CPQ: variants seen among roughly 807,000 people sequenced by gnomAD.
CPQ encodes Ser-Met dipeptidase.
A neutral mutation model predicts 45.7 loss-of-function variants in CPQ; 37 were observed. That is an observed-to-expected ratio of 0.81 (90% confidence interval 0.62 to 1.07). The LOEUF is 1.07. CPQ is among the 50% of genes least tolerant of loss of function. The probability of loss-of-function intolerance (pLI) is 0.00; values close to 1 mark genes in which losing one functional copy is unlikely to be tolerated. For synonymous variants in CPQ, 186 were observed against 205.8 expected, an observed-to-expected ratio of 0.90 and a Z score of 0.82; for missense variants, 537 against 572.9, an observed-to-expected ratio of 0.94 and a Z score of 0.64.
intron 1 of CPQ, among the ~76,000 whole-genome samples, chr8:96,781,111 A>G (rs2130805887): frequency 6.6e-6 from 1 of 152,288 alleles, no homozygotes; most frequent in East Asian, 1.9e-4. Flanking sequence ...TGCATTTGTT[A>G]TAGACTAATG....
At chr8:96,792,483 G>A (rs1024722160) in intron 2 of CPQ, among the ~76,000 whole-genome samples, 9 of 152,136 alleles carry the variant, frequency 5.9e-5, no homozygotes, top group South Asian at 2.1e-4. Flanking sequence ...CATCTCTACC[G>A]AAATACAGGG....
intron 1 of CPQ, among the ~76,000 whole-genome samples, chr8:96,745,316 A>T: frequency 6.6e-6 from 1 of 152,150 alleles, no homozygotes; most frequent in Non-Finnish European, 1.5e-5. Flanking sequence ...TCAAAAAAAA[A>T]AATGTATACG....
At chr8:97,041,041 G>A (rs1204359035) in intron 6 of CPQ, among the ~76,000 whole-genome samples, 2 of 152,188 alleles carry the variant, frequency 1.3e-5, no homozygotes, top group Admixed American at 6.5e-5. Flanking sequence ...GTAGCTTGAT[G>A]GGGATGGCAT....
intron 3 of CPQ, among the ~76,000 whole-genome samples, chr8:96,848,297 CT>C (rs982461122): frequency 9.9e-5 from 15 of 152,168 alleles, no homozygotes; most frequent in African/African-American, 3.6e-4. Flanking sequence ...TTGGGGGCCT[CT>C]TTAAGAAAAA....
At chr8:97,005,616 C>T (rs1436837911) in intron 5 of CPQ, among the ~76,000 whole-genome samples, 1 of 152,084 alleles carries the variant, frequency 6.6e-6, no homozygotes, top group Admixed American at 6.5e-5. Flanking sequence ...CCTACACTAA[C>T]ATTTAAGAGC....
intron 1 of CPQ, among the ~76,000 whole-genome samples, chr8:96,750,117 CAG>C (rs752749508): frequency 5.9e-5 from 9 of 151,486 alleles, no homozygotes; most frequent in South Asian, 2.1e-4. Context: ...TTTTGTAAAA[CAG>C]ATATATACAT....
At chr8:96,878,697 T>A (rs1294213957) in intron 3 of CPQ, among the ~76,000 whole-genome samples, 2 of 152,196 alleles carry the variant, frequency 1.3e-5, no homozygotes, top group Admixed American at 6.5e-5. Flanking sequence ...TGCATCATTG[T>A]GTTTGTGCAT....
chr8:96,757,026 T>C (rs1810334896), intron 1 of CPQ, among the ~76,000 whole-genome samples: 1 of 152,080 alleles, frequency 6.6e-6, no homozygotes, highest in African/African-American at 2.4e-5. Context: ...CCTTGACTGA[T>C]AGTTTTGGTA....
At chr8:97,126,969 A>G (rs954703321) in intron 7 of CPQ, among the ~76,000 whole-genome samples, 2 of 152,236 alleles carry the variant, frequency 1.3e-5, no homozygotes, top group Non-Finnish European at 2.9e-5. Context: ...CCTTAAGGGG[A>G]AAAAAATGAA....
intron 4 of CPQ, among the ~76,000 whole-genome samples, chr8:96,926,543 T>C (rs1812878326): frequency 8.6e-6 from 1 of 116,086 alleles, no homozygotes; most frequent in Non-Finnish European, 1.8e-5. Context: ...TTTCTTCTTC[T>C]TCCTCTTCCT....
intron 4 of CPQ, among the ~76,000 whole-genome samples, chr8:96,950,344 A>G (rs1318121409): frequency 6.6e-6 from 1 of 152,146 alleles, no homozygotes; most frequent in East Asian, 1.9e-4. Flanking sequence ...ATTCTGAATC[A>G]TATTTTATTA....
chr8:96,839,395 A>T (rs955974372), intron 3 of CPQ, among the ~76,000 whole-genome samples: 1 of 152,110 alleles, frequency 6.6e-6, no homozygotes, highest in African/African-American at 2.4e-5. Flanking sequence ...TGCTTTTCTA[A>T]TGACACTTCT....
chr8:96,669,505 G>A (rs1190659646), intron 1 of CPQ, among the ~76,000 whole-genome samples: 2 of 152,110 alleles, frequency 1.3e-5, no homozygotes, highest in African/African-American at 4.8e-5. Flanking sequence ...TGGATGTGGA[G>A]TCTCATAACA....
intron 1 of CPQ, among the ~76,000 whole-genome samples, chr8:96,689,224 C>T (rs968362346): frequency 6.6e-6 from 1 of 152,118 alleles, no homozygotes; most frequent in Non-Finnish European, 1.5e-5. Context: ...CCTAGTTCTA[C>T]AATACAGAAG....
chr8:96,673,612 G>C (rs1809035016), intron 1 of CPQ, among the ~76,000 whole-genome samples: 1 of 152,136 alleles, frequency 6.6e-6, no homozygotes, highest in African/African-American at 2.4e-5. Context: ...GTTCTAGGAA[G>C]TCAGTGTGAA....
At chr8:96,693,882 A>C (rs1809336932) in intron 1 of CPQ, among the ~76,000 whole-genome samples, 1 of 152,172 alleles carries the variant, frequency 6.6e-6, no homozygotes, top group Non-Finnish European at 1.5e-5. Flanking sequence ...TGAAAACATG[A>C]GGTGATGAAA....
rs1035668268 is a variant in CPQ at position 96,787,453 on chromosome 8, T to C, written c.433+2123T>C. Reference sequence around the variant, plus strand: ...TTATATGGTGCTGAATTCAGTTTGGTGGTATTTTGCTTAATATTTTGCATT... The same window carrying C: ...TTATATGGTGCTGAATTCAGTTTGGCGGTATTTTGCTTAATATTTTGCATT... On this transcript the variant is annotated intron_variant, in intron 2 of 7. Coordinates refer to ENST00000220763, the MANE Select transcript of CPQ (RefSeq NM_016134.4). 2.0e-5 allele frequency among the ~76,000 whole-genome samples: 3 copies of C among 151,388 alleles called. No individual in the cohort carries two copies. The East Asian group carries it at 5.8e-4, about 29-fold the overall frequency.
At chr8:97,125,424 A>T (rs1377787629) in intron 7 of CPQ, among the ~76,000 whole-genome samples, 1 of 152,188 alleles carries the variant, frequency 6.6e-6, no homozygotes, top group African/African-American at 2.4e-5. Context: ...AAAACCAAAG[A>T]TATGGTAAGA....
intron 1 of CPQ, among the ~76,000 whole-genome samples, chr8:96,688,623 C>T (rs915401371): frequency 6.6e-6 from 1 of 152,074 alleles, no homozygotes; most frequent in African/African-American, 2.4e-5. Flanking sequence ...CATAGATGAA[C>T]TTGGCAATTT....
Sources: gnomAD v4.1 joint callset for allele counts (sites outside exome capture counted in the v4.1 genomes callset) on GRCh38, gnomAD v4.1.1 for gene constraint, MANE v1.5 for transcripts, NCBI Gene and HGNC (gene_info 2026-07-23, HGNC 2026-07-21) for gene names.